Variants in BEND7 observed in about 807,000 individuals in gnomAD.
BEND7 encodes the protein BEN domain-containing protein 7.
Under a neutral mutation model 50.9 loss-of-function variants are expected in BEND7, and 28 were observed. That is an observed-to-expected ratio of 0.55 (90% CI 0.41 to 0.75). BEND7 has a LOEUF of 0.75. Among genes scored for constraint, BEND7 ranks in the 30% least tolerant of loss-of-function variants. The probability of loss-of-function intolerance (pLI) is 0.00; values close to 1 mark genes in which losing one functional copy is unlikely to be tolerated. For synonymous variants in BEND7, 170 were observed against 183.9 expected (o/e 0.92, Z 0.61); for missense variants, 477 against 491.3 (o/e 0.97, Z 0.28).
chr10:13,490,850 T>C (rs923879172), intron 5 of BEND7, among the ~76,000 whole-genome samples: 3 of 152,100 alleles, frequency 2.0e-5, no homozygotes, highest in Non-Finnish European at 4.4e-5. Context: ...GTCACCCAGG[T>C]TGGAGTGCAG....
intron 7 of BEND7, among the ~76,000 whole-genome samples, chr10:13,448,222 G>GA (rs998421597): frequency 1.3e-5 from 2 of 151,660 alleles, no homozygotes; most frequent in East Asian, 1.9e-4. Context: ...TGTTACATGC[G>GA]AAAAAAAAGG....
chr10:13,441,485 G>A lies in BEND7; in HGVS notation c.*258C>T. ...TTGAACAAGCTCCACCCGTCCTCAA[G>A]TGCTGAACACCCCAAGCTGTGGCCC... On this transcript the variant is annotated 3_prime_UTR_variant, in exon 9 of 9. Coordinates refer to ENST00000466271, the MANE Select transcript of BEND7 (RefSeq NM_001369863.1). 2 of 1,344,526 alleles carry A rather than the reference G, an allele frequency of 1.5e-6. No individual in the cohort carries two copies. The highest frequency in any genetic ancestry group is 2.1e-5 in the South Asian group (1 of 47,546). The allele number at this position is 1,344,526 out of a possible 1,614,324, so 83.3% of individuals were successfully genotyped here. A position where few individuals can be genotyped will look rare whatever the true frequency, so the allele number is the denominator to read the frequency against.
rs767704635 is a variant in BEND7, at chr10:13,528,540, G to A, written c.-7C>T. The A allele has an allele frequency of 6.8e-6, 7 of 1,028,384 alleles. No homozygotes were observed. The highest frequency in any genetic ancestry group is 1.1e-4 in the Admixed American group (2 of 17,848). 63.7% of individuals were successfully genotyped at this position (1,028,384 alleles called of 1,614,324 possible). On this transcript the variant is annotated 5_prime_UTR_variant, in exon 1 of 9. Coordinates refer to ENST00000466271, the MANE Select transcript of BEND7 (RefSeq NM_001369863.1). ...TCCTCTCGGAGAACTCCATGGTGCG[G>A]GGAAGGCGGCGGCGGGGGCTGAGGA...
Position 13,500,215 on chromosome 10 carries a change from T to C in BEND7, c.146-135A>G, listed in dbSNP as rs1010038563. On this transcript the variant is annotated intron_variant, in intron 2 of 8. Coordinates refer to ENST00000466271, the MANE Select transcript of BEND7 (RefSeq NM_001369863.1). The stretch of plus-strand genomic sequence containing the variant: ...TGACTGACTCTATGAACTTAATCTG[T>C]AAAACGCAAAGGCAGGAAAACTGAC... The C allele has an allele frequency of 1.8e-5, 15 of 815,280 alleles. No homozygotes were observed. In the East Asian group the frequency reaches 2.9e-4, roughly 16 times the overall value. The allele number at this position is 815,280 out of a possible 1,614,324, so 50.5% of individuals were successfully genotyped here. A position where few individuals can be genotyped will look rare whatever the true frequency, so the allele number is the denominator to read the frequency against.
chr10:13,487,820 T>C (rs933313851), intron 5 of BEND7, among the ~76,000 whole-genome samples: 1 of 152,008 alleles, frequency 6.6e-6, no homozygotes, highest in Non-Finnish European at 1.5e-5. Context: ...AGGCCGGGCA[T>C]GGTGGCTCAC....
In BEND7 at chr10:13,476,553, G is replaced by A. The variant is rs530272610; in HGVS notation, c.1063+4346C>T. Among the ~76,000 whole-genome samples, 8 of 152,216 alleles carry A rather than the reference G, an allele frequency of 5.3e-5. No individual in the cohort carries two copies. The South Asian group carries it at 1.7e-3, about 32-fold the overall frequency. ...GTCGAATTAAAAATCCTACAACGGG[G>A]GCTCTAAAAATCGCTTTATTGCAAC... On this transcript the variant is annotated intron_variant, in intron 6 of 8. Transcript: ENST00000466271.
At chr10:13,521,514 G>A (rs1307848632) in intron 2 of BEND7, among the ~76,000 whole-genome samples, 1 of 152,196 alleles carries the variant, frequency 6.6e-6, no homozygotes, top group Non-Finnish European at 1.5e-5. Context: ...AAAAAGGAGA[G>A]GACTTACAAG....
intron 2 of BEND7, among the ~76,000 whole-genome samples, chr10:13,521,788 T>C (rs1254357499): frequency 6.6e-6 from 1 of 152,242 alleles, no homozygotes; most frequent in Non-Finnish European, 1.5e-5. Context: ...CCAGGCCACC[T>C]GACTCCAGGT....
chr10:13,439,212 G>GCTGA, downstream of BEND7: 1 of 1,614,100 alleles, frequency 6.2e-7, no homozygotes, highest in Non-Finnish European at 8.5e-7. Context: ...AAGAGACTTG[G>GCTGA]CTGAGCCTGG....
At chr10:13,471,825 T>G (rs898841625) in intron 6 of BEND7, among the ~76,000 whole-genome samples, 3 of 152,282 alleles carry the variant, frequency 2.0e-5, no homozygotes, top group African/African-American at 7.2e-5. Context: ...CAGGGGCTGT[T>G]GTGTGTACAG....
intron 5 of BEND7, among the ~76,000 whole-genome samples, chr10:13,483,081 C>T (rs1044028022): frequency 2.0e-5 from 3 of 152,200 alleles, no homozygotes; most frequent in African/African-American, 7.2e-5. Flanking sequence ...GTTTATCTTA[C>T]AGAAGCAGCT....
At chr10:13,447,119 A>G in intron 8 of BEND7, 147 bp downstream of exon 8, 1 of 776,550 alleles carries the variant, frequency 1.3e-6, no homozygotes, top group East Asian at 2.6e-5. Flanking sequence ...CGGGGCCTTG[A>G]GAAGCTCCAA....
At chr10:13,454,375 G>A (rs1347306171) in intron 6 of BEND7, among the ~76,000 whole-genome samples, 1 of 152,176 alleles carries the variant, frequency 6.6e-6, no homozygotes, top group Admixed American at 6.5e-5. Context: ...TGAGGCTAAG[G>A]TGGGGGGCGT....
intron 2 of BEND7, among the ~76,000 whole-genome samples, chr10:13,506,888 G>A (rs2077935846): frequency 6.6e-6 from 1 of 152,110 alleles, no homozygotes; most frequent in African/African-American, 2.4e-5. Flanking sequence ...TTGGGTCACT[G>A]AATAGATATA....
intron 5 of BEND7, among the ~76,000 whole-genome samples, chr10:13,490,413 G>A (rs183770301): frequency 8.5e-5 from 13 of 152,316 alleles, no homozygotes; most frequent in Non-Finnish European, 1.8e-4. Flanking sequence ...CTCAGCTGCA[G>A]CTGTAACCCA....
downstream of BEND7, chr10:13,439,159 A>G (rs1043704778): frequency 2.5e-6 from 4 of 1,587,108 alleles, no homozygotes; most frequent in Non-Finnish European, 8.6e-7. Flanking sequence ...ACACATAAAT[A>G]AGCAAGATAA....
At chr10:13,474,298 G>A (rs1425103289) in intron 6 of BEND7, among the ~76,000 whole-genome samples, 1 of 151,836 alleles carries the variant, frequency 6.6e-6, no homozygotes, top group East Asian at 1.9e-4. Context: ...ATCGCTGTTA[G>A]ATGCGGGGTC....
chr10:13,440,715 G>A (rs1398287032), downstream of BEND7, among the ~76,000 whole-genome samples: 1 of 149,704 alleles, frequency 6.7e-6, no homozygotes, highest in Non-Finnish European at 1.5e-5. Context: ...CAGCATCGGA[G>A]AAGATTGATT....
chr10:13,460,308 C>A (rs1018828382), intron 6 of BEND7, among the ~76,000 whole-genome samples: 1 of 152,182 alleles, frequency 6.6e-6, no homozygotes, highest in Non-Finnish European at 1.5e-5. Context: ...AGCCCTGTTC[C>A]TGCCCAATTC....
Sources: allele counts gnomAD v4.1 joint callset (sites outside exome capture counted in the v4.1 genomes callset), GRCh38; gene constraint gnomAD v4.1.1; transcripts MANE v1.5; gene names NCBI Gene and HGNC (gene_info 2026-07-23, HGNC 2026-07-21).